VPS13A: variants seen among roughly 807,000 people sequenced by gnomAD.
The protein encoded by VPS13A is vacuolar protein sorting 13 homolog A.
VPS13A carries 264 observed loss-of-function variants against 390.9 expected under a neutral mutation model. That is an observed-to-expected ratio of 0.68 (90% CI 0.61 to 0.75). The LOEUF (loss-of-function observed/expected upper bound fraction) is 0.75, where lower values mean the gene tolerates loss of function less well. Among genes scored for constraint, VPS13A ranks in the 30% least tolerant of loss-of-function variants. The probability of loss-of-function intolerance (pLI) is 0.00; values close to 1 mark genes in which losing one functional copy is unlikely to be tolerated. For synonymous variants in VPS13A, 1,231 were observed against 1,227.1 expected (o/e 1.00, Z -0.07); for missense variants, 3,409 against 3,733.9 (o/e 0.91, Z 2.27).
At chr9:77,349,542 T>C (rs891490823) in intron 52 of VPS13A, among the ~76,000 whole-genome samples, 1 of 152,228 alleles carries the variant, frequency 6.6e-6, no homozygotes, top group Non-Finnish European at 1.5e-5. Flanking sequence ...ATGCGTGATA[T>C]TCTATCATTT....
At chr9:77,228,055 A>T (rs1027819767) in intron 16 of VPS13A, 67 bp from the exon 17 acceptor site, 5 of 1,200,676 alleles carry the variant, frequency 4.2e-6, no homozygotes, top group Non-Finnish European at 5.6e-6. Flanking sequence ...TGAATGTACT[A>T]TAAGAATATT....
At chr9:77,357,014 G>A in intron 55 of VPS13A, 147 bp downstream of exon 55, 3 of 950,870 alleles carry the variant, frequency 3.2e-6, no homozygotes, top group South Asian at 3.1e-5. Context: ...TTTTAAAGAG[G>A]TGTTTATCTA....
chr9:77,310,549 C>T (rs2131416073), intron 35 of VPS13A, among the ~76,000 whole-genome samples: 1 of 152,298 alleles, frequency 6.6e-6, no homozygotes, highest in South Asian at 2.1e-4. Flanking sequence ...AAGAGAACCT[C>T]TTATTTTTCA....
At position 77,298,002 on chromosome 9, in the gene VPS13A, G is replaced by T. The variant is rs139004068; in HGVS notation, c.3812+2156G>T. Among the ~76,000 whole-genome samples, 313 of 152,282 alleles carry T rather than the reference G, an allele frequency of 2.1e-3. 3 individuals carry two copies. Among genetic ancestry groups the T allele is most frequent in the Admixed American group, 0.017 (257 of 15,284 alleles). On this transcript the variant is annotated intron_variant, in intron 33 of 71. Coordinates refer to ENST00000360280, the MANE Select transcript of VPS13A (RefSeq NM_033305.3). Reference sequence around the variant, plus strand: ...TTTATAGTAACTGATGGTTGAATGGGTGTGGGAGTTAAAGGAGAAGAGAAA... The same window carrying T: ...TTTATAGTAACTGATGGTTGAATGGTTGTGGGAGTTAAAGGAGAAGAGAAA...
intron 1 of VPS13A, among the ~76,000 whole-genome samples, chr9:77,187,608 T>TACACACAC (rs34649735): frequency 6.8e-6 from 1 of 148,020 alleles, no homozygotes; most frequent in Admixed American, 6.8e-5. Context: ...CATACAAACA[T>TACACACAC]ACACACACAC....
chr9:77,327,631 T>C (rs1478423087), intron 45 of VPS13A, among the ~76,000 whole-genome samples: 1 of 149,972 alleles, frequency 6.7e-6, no homozygotes, highest in African/African-American at 2.4e-5. Context: ...GGAGGTTTTC[T>C]GATATTATTA....
In VPS13A at chr9:77,412,119, A is replaced by T. The variant is rs929520870; in HGVS notation, c.9475-3837A>T. On this transcript the variant is annotated intron_variant, in intron 71 of 71. Coordinates refer to ENST00000360280, the MANE Select transcript of VPS13A (RefSeq NM_033305.3). ...AATAATTAATAGCTTACCAACCAAA[A>T]AAAGTCCAGGACCAGATGGATTCAC... Among the ~76,000 whole-genome samples, 20 of 152,212 alleles carry T rather than the reference A, an allele frequency of 1.3e-4. 1 individual carries two copies.
At chr9:77,253,936 C>CTTTTTT (rs1172781069) in intron 22 of VPS13A, among the ~76,000 whole-genome samples, 6 of 55,060 alleles carry the variant, frequency 1.1e-4, no homozygotes, top group East Asian at 6.0e-4. Flanking sequence ...GGCCTTTATT[C>CTTTTTT]TTTTTTTTTT....
At chr9:77,346,951 C>T (rs11145392) in intron 52 of VPS13A, among the ~76,000 whole-genome samples, 15,554 of 152,238 alleles carry the variant, frequency 0.1, 823 homozygotes, top group Middle Eastern at 0.13. Context: ...TGTCCTTTCC[C>T]TACTTCATGT....
chr9:77,274,877 T>C (rs559980671), intron 24 of VPS13A, among the ~76,000 whole-genome samples: 2 of 152,260 alleles, frequency 1.3e-5, no homozygotes, highest in South Asian at 2.1e-4. Context: ...ATACTTCTGA[T>C]TGTTTCATTT....
chr9:77,209,603 A>G (rs866588207), intron 6 of VPS13A, 71 bp downstream of exon 6: 2 of 949,490 alleles, frequency 2.1e-6, no homozygotes, highest in South Asian at 1.5e-5. Context: ...AATGACACCT[A>G]CTTTTTAATG....
At chr9:77,222,768 A>G (rs1431501025) in intron 13 of VPS13A, among the ~76,000 whole-genome samples, 2 of 152,316 alleles carry the variant, frequency 1.3e-5, no homozygotes, top group South Asian at 2.1e-4. Context: ...CTGCATCCAT[A>G]TAAGACAGCT....
chr9:77,221,504 C>A, intron 13 of VPS13A, 148 bp downstream of exon 13: 1 of 827,674 alleles, frequency 1.2e-6, no homozygotes, highest in Non-Finnish European at 1.9e-6. Context: ...CTGTTCTTAA[C>A]TTCAGCTGAA....
intron 65 of VPS13A, 88 bp from the exon 66 acceptor site, chr9:77,370,802 A>G: frequency 1.3e-6 from 2 of 1,551,484 alleles, no homozygotes; most frequent in Non-Finnish European, 1.8e-6. Flanking sequence ...TAAAAAGCAG[A>G]ACTCTGTATT....
chr9:77,265,209 T>G (rs966514610), intron 23 of VPS13A, among the ~76,000 whole-genome samples: 1 of 152,230 alleles, frequency 6.6e-6, no homozygotes, highest in Non-Finnish European at 1.5e-5. Context: ...AGTAGTTTAT[T>G]GAGGATTTTC....
chr9:77,291,317 C>T (rs1323393777), intron 31 of VPS13A, among the ~76,000 whole-genome samples: 2 of 152,162 alleles, frequency 1.3e-5, no homozygotes, highest in African/African-American at 4.8e-5. Flanking sequence ...CCCCCAGCCC[C>T]ACTTTTGTGG....
In VPS13A at chr9:77,212,755, G is replaced by GT. The variant is rs1826041086; in HGVS notation, c.556-211dup. ...GGCACTTACCTGTTGGAAGTTGCCTGTTTCTTTGTTTGCTTTTCTGACCCG... is the reference window on the plus strand; with the variant it reads ...GGCACTTACCTGTTGGAAGTTGCCTGTTTTCTTTGTTTGCTTTTCTGACCCG... On this transcript the variant is annotated intron_variant, in intron 7 of 71. Coordinates refer to ENST00000360280, the MANE Select transcript of VPS13A (RefSeq NM_033305.3). Among the ~76,000 whole-genome samples, 3 of 152,308 alleles carry GT rather than the reference G, an allele frequency of 2.0e-5. No homozygotes were observed. In the East Asian group the frequency reaches 5.8e-4, roughly 29 times the overall value.
At chr9:77,222,597 G>A (rs1823281464) in intron 13 of VPS13A, among the ~76,000 whole-genome samples, 1 of 152,256 alleles carries the variant, frequency 6.6e-6, no homozygotes, top group Non-Finnish European at 1.5e-5. Flanking sequence ...TAGCAAATCT[G>A]TCGGCACCAT....
At position 77,371,028 on chromosome 9, in the gene VPS13A, G is replaced by A. The variant is rs759411864; in HGVS notation, c.8956G>A (p.Ala2986Thr). 1.2e-6 allele frequency: 2 copies of A among 1,614,074 alleles called. No homozygotes were observed. Among genetic ancestry groups the A allele is most frequent in the Non-Finnish European group, 1.7e-6 (2 of 1,179,992 alleles). The change falls in exon 67 of 72, where the codon GCT (alanine) becomes ACT (threonine). Residue 2986 changes from alanine (A) to threonine (T), a missense_variant and splice_region_variant. Around this residue, in one of 5 missense-constraint regions of VPS13A, gnomAD observed 318 missense variants for 333.7 expected, o/e 0.95. Transcript: ENST00000360280. ...TGIVTKPIKG[A>T]QKGGAAGFFK... ...CAAAAACTCTTTTTTCTTTCCAGGA[G>A]CTCAAAAAGGAGGAGCAGCTGGTTT...
Sources: allele counts gnomAD v4.1 joint callset (sites outside exome capture counted in the v4.1 genomes callset), GRCh38; gene constraint gnomAD v4.1.1; regional missense constraint gnomAD v4.1.1; transcripts MANE v1.5; gene names NCBI Gene and HGNC (gene_info 2026-07-23, HGNC 2026-07-21).